Variants in HCRTR2 observed in about 807,000 individuals in gnomAD.
HCRTR2 encodes orexin receptor type 2.
A neutral mutation model predicts 49.0 loss-of-function variants in HCRTR2; 22 were observed. That is an observed-to-expected ratio of 0.45 (90% CI 0.32 to 0.64). The LOEUF (loss-of-function observed/expected upper bound fraction) is 0.64. Among genes scored for constraint, HCRTR2 ranks in the 30% least tolerant of loss-of-function variants. The pLI is 0.04. For synonymous variants in HCRTR2, 236 were observed against 205.3 expected, an observed-to-expected ratio of 1.15 and a Z score of -1.28; for missense variants, 491 against 559.4, an observed-to-expected ratio of 0.88 and a Z score of 1.23.
rs72975489 is a variant in HCRTR2, at chr6:55,147,565, C to T, written c.-377-26646C>T. On this transcript the variant is annotated intron_variant, in intron 1 of 7. Transcript: ENST00000615358. The stretch of plus-strand genomic sequence containing the variant: ...GAGGTATTTTGGCTAAGTGACACAA[C>T]CAGCAAGAGGCGGAACTGAGATTTT... Among the ~76,000 whole-genome samples the T allele has an allele frequency of 7.2e-3, 1,090 of 152,244 alleles. 7 individuals carry two copies. Among genetic ancestry groups the T allele is most frequent in the Non-Finnish European group, 0.012 (829 of 67,986 alleles).
rs79320614 is a variant in HCRTR2 at position 55,261,505 on chromosome 6, A to G, written c.647-2202A>G. Among the ~76,000 whole-genome samples the G allele has an allele frequency of 3.0e-4, 45 of 152,152 alleles. 1 individual carries two copies. In the East Asian group the frequency reaches 8.7e-3, roughly 29 times the overall value. ...CTGCGACCTCCACCTCCCAAGTTCA[A>G]ACGATACTCCTGCCTTGGTCTCCCA... is the stretch of plus-strand genomic sequence containing the variant. On this transcript the variant is annotated intron_variant, in intron 3 of 6. Transcript: ENST00000370862.
chr6:55,192,507 T>A (rs189738489), intron 1 of HCRTR2, among the ~76,000 whole-genome samples: 420 of 152,110 alleles, frequency 2.8e-3, no homozygotes, highest in Non-Finnish European at 4.5e-3. Flanking sequence ...GAAAATCACC[T>A]GAGCCCAGGA....
intron 1 of HCRTR2, among the ~76,000 whole-genome samples, chr6:55,153,145 T>C (rs1390668343): frequency 6.6e-6 from 1 of 152,012 alleles, no homozygotes; most frequent in Admixed American, 6.6e-5. Context: ...CTTGTTACCC[T>C]CAGCAAAGAA....
chr6:55,201,733 T>C (rs1765516835), intron 1 of HCRTR2, among the ~76,000 whole-genome samples: 1 of 152,160 alleles, frequency 6.6e-6, no homozygotes, highest in Admixed American at 6.6e-5. Context: ...CTATGACTGA[T>C]ACTCAACCTC....
At chr6:55,165,298 A>G (rs1302459843) in intron 1 of HCRTR2, among the ~76,000 whole-genome samples, 1 of 152,106 alleles carries the variant, frequency 6.6e-6, no homozygotes, top group African/African-American at 2.4e-5. Context: ...GTATTCAAAT[A>G]CAAGGTTATG....
intron 4 of HCRTR2, among the ~76,000 whole-genome samples, chr6:55,274,622 T>C (rs1444936690): frequency 3.9e-5 from 6 of 152,142 alleles, no homozygotes; most frequent in South Asian, 2.1e-4. Context: ...CAGTACAATG[T>C]TGAGTACGAG....
chr6:55,115,374 C>T (rs193067509), intron 1 of HCRTR2, among the ~76,000 whole-genome samples: 1 of 151,668 alleles, frequency 6.6e-6, no homozygotes, highest in Admixed American at 6.6e-5. Flanking sequence ...CCTTCAACTG[C>T]TAAAGTAGTT....
At chr6:55,113,623 A>G (rs914765544) in intron 1 of HCRTR2, among the ~76,000 whole-genome samples, 1 of 151,638 alleles carries the variant, frequency 6.6e-6, no homozygotes, top group African/African-American at 2.4e-5. Context: ...CATTTTAACC[A>G]TAATTAAAAA....
At chr6:55,273,263 T>C (rs571707574) in intron 4 of HCRTR2, among the ~76,000 whole-genome samples, 65 of 152,148 alleles carry the variant, frequency 4.3e-4, no homozygotes, top group African/African-American at 1.3e-3. Context: ...TATTGTTTCA[T>C]AGAAGACCGC....
At chr6:55,222,626 A>G (rs1475564869) in intron 1 of HCRTR2, among the ~76,000 whole-genome samples, 1 of 152,222 alleles carries the variant, frequency 6.6e-6, no homozygotes, top group East Asian at 1.9e-4. Flanking sequence ...ATCTTATAAT[A>G]TGCTGCAACA....
intron 1 of HCRTR2, among the ~76,000 whole-genome samples, chr6:55,233,235 C>G (rs1409128831): frequency 6.6e-6 from 1 of 151,786 alleles, no homozygotes; most frequent in Non-Finnish European, 1.5e-5. Flanking sequence ...ATTACAGGCG[C>G]CCACCACCAG....
At chr6:55,143,787 A>G (rs1764541683) in intron 1 of HCRTR2, among the ~76,000 whole-genome samples, 1 of 152,184 alleles carries the variant, frequency 6.6e-6, no homozygotes, top group South Asian at 2.1e-4. Context: ...GTTCAGGATC[A>G]CTTATGTACT....
chr6:55,241,786 G>C (rs1232521747), intron 1 of HCRTR2, among the ~76,000 whole-genome samples: 2 of 150,332 alleles, frequency 1.3e-5, no homozygotes, highest in Non-Finnish European at 3.0e-5. Flanking sequence ...ATTCTGTATT[G>C]AAGGTTTTTG....
chr6:55,282,319 C>T lies in HCRTR2; in HGVS notation c.1200C>T (p.Ser400=). 1.2e-6 allele frequency: 2 copies of T among 1,613,642 alleles called. No individual in the cohort carries two copies. The highest frequency in any genetic ancestry group is 1.7e-6 in the Non-Finnish European group (2 of 1,179,760). The change falls in exon 7 of 7, where the codon AGC becomes AGT. Residue 400 remains serine, a synonymous_variant. Coordinates refer to ENST00000370862, the MANE Select transcript of HCRTR2 (RefSeq NM_001384272.1). ...ATCGGCTCACCAGGGGACGAACTAG[C>T]ACAGAGAGCCGGAAGTCCTTGACCA... ...QEDRLTRGRT[S]TESRKSLTTQ...
intron 1 of HCRTR2, among the ~76,000 whole-genome samples, chr6:55,188,829 T>C (rs1219949832): frequency 1.3e-5 from 2 of 152,114 alleles, no homozygotes; most frequent in Non-Finnish European, 2.9e-5. Context: ...AAGAGTTGGG[T>C]TTGACATGGG....
chr6:55,166,628 T>G (rs1382374883), intron 1 of HCRTR2, among the ~76,000 whole-genome samples: 3 of 152,118 alleles, frequency 2.0e-5, no homozygotes, highest in African/African-American at 7.2e-5. Context: ...ATCTTGCCAT[T>G]GTGGAAAACA....
intron 1 of HCRTR2, among the ~76,000 whole-genome samples, chr6:55,233,345 C>G (rs1211788199): frequency 1.3e-5 from 2 of 152,136 alleles, no homozygotes; most frequent in Non-Finnish European, 1.5e-5. Context: ...CCCACCTCGG[C>G]TTCCCAAAGT....
intron 3 of HCRTR2, among the ~76,000 whole-genome samples, chr6:55,258,881 T>G (rs1335268366): frequency 6.6e-6 from 1 of 151,912 alleles, no homozygotes; most frequent in African/African-American, 2.4e-5. Context: ...TGAAACCCCG[T>G]CTCTACTGAA....
At chr6:55,263,533 G>C (rs181020620) in intron 3 of HCRTR2, among the ~76,000 whole-genome samples, 174 bp from the exon 4 acceptor site, 14 of 152,182 alleles carry the variant, frequency 9.2e-5, no homozygotes, top group Admixed American at 8.5e-4. Context: ...CCCATATACT[G>C]AGTAAAATAA....
Sources: gnomAD v4.1 joint callset for allele counts (sites outside exome capture counted in the v4.1 genomes callset) on GRCh38, gnomAD v4.1.1 for gene constraint, MANE v1.5 for transcripts, NCBI Gene and HGNC (gene_info 2026-07-23, HGNC 2026-07-21) for gene names.